PFKP: variants seen among roughly 807,000 people sequenced by gnomAD.
PFKP encodes phosphofructokinase, platelet.
A neutral mutation model predicts 94.3 loss-of-function variants in PFKP; 101 were observed. The observed-to-expected ratio is 1.07, with a 90% CI of 0.91 to 1.26. The LOEUF is 1.26. Among genes scored for constraint, PFKP ranks in the 50% most tolerant of loss-of-function variants. The pLI is 0.00. For synonymous variants in PFKP, 573 were observed against 432.6 expected, an observed-to-expected ratio of 1.32 and a Z score of -4.03; for missense variants, 1,145 against 1,103.3, an observed-to-expected ratio of 1.04 and a Z score of -0.53.
Position 3,102,006 on chromosome 10 carries a change from C to T in PFKP, c.454+452C>T, listed in dbSNP as rs909653999. ...GTGGCTCACGCCTGTAATCCCAGCA[C>T]TTTGGGAGGCCGAGGCGGGCGGATC... On this transcript the variant is annotated intron_variant, in intron 4 of 21. Coordinates refer to ENST00000381125, the MANE Select transcript of PFKP (RefSeq NM_002627.5). 4.0e-5 allele frequency among the ~76,000 whole-genome samples: 6 copies of T among 150,820 alleles called. No individual in the cohort carries two copies. In the East Asian group the frequency reaches 9.7e-4, roughly 24 times the overall value.
intron 1 of PFKP, among the ~76,000 whole-genome samples, chr10:3,075,384 A>G (rs1388089459): frequency 6.6e-6 from 1 of 151,846 alleles, no homozygotes; most frequent in Non-Finnish European, 1.5e-5. Flanking sequence ...TCGAAAGTCA[A>G]GAGGTACACA....
At position 3,134,509 on chromosome 10, in the gene PFKP, A is replaced by C; in HGVS notation, c.2049A>C (p.Arg683Ser). Residue 683 changes from arginine to serine, a missense_variant, in exon 20 of 22, where the codon AGA becomes AGC. Arg to Ser is a moderately radical substitution (Grantham distance 110). Coordinates refer to ENST00000381125, the MANE Select transcript of PFKP (RefSeq NM_002627.5). Reference sequence around the variant, plus strand: ...GTGGGGCACCCTCTCCATTTGATAGAAACTTTGGAACCAAAATCTCTGCCA... The same window carrying C: ...GTGGGGCACCCTCTCCATTTGATAGCAACTTTGGAACCAAAATCTCTGCCA... ...QQGGAPSPFDRNFGTKISARA... is the reference protein window; with the variant it reads ...QQGGAPSPFDSNFGTKISARA... 1 of 1,613,878 alleles carries C rather than the reference A, an allele frequency of 6.2e-7. No homozygotes were observed. Among genetic ancestry groups the C allele is most frequent in the Non-Finnish European group, 8.5e-7 (1 of 1,179,766 alleles).
chr10:3,129,519 G>A lies in PFKP; in HGVS notation c.1684-300G>A, dbSNP rs1301771210. ...GTGGAGTGAGCTGGCTTGTGGGGTC[G>A]TCTTTTCCGTCCCCTTCTATGGGGC... On this transcript the variant is annotated intron_variant, in intron 16 of 21. Transcript: ENST00000381125. The A allele has an allele frequency of 5.4e-5, 20 of 369,108 alleles. 1 individual carries two copies. The highest frequency in any genetic ancestry group is 3.4e-4 in the South Asian group (10 of 29,322). The allele number at this position is 369,108 out of a possible 1,614,324, so 22.9% of individuals were successfully genotyped here. A position where few individuals can be genotyped will look rare whatever the true frequency, so the allele number is the denominator to read the frequency against.
At position 3,133,329 on chromosome 10, in the gene PFKP, G is replaced by A. The variant is rs754367422; in HGVS notation, c.2022+15G>A. ...ACATGCAGCAGGTAGGCCCGAGACT[G>A]CATGAGGGGCCACAAAGCCCCTGTC... On this transcript the variant is annotated intron_variant, in intron 19 of 21. Coordinates refer to ENST00000381125, the MANE Select transcript of PFKP (RefSeq NM_002627.5). 2.0e-6 allele frequency: 3 copies of A among 1,498,008 alleles called. No homozygotes were observed. Among genetic ancestry groups the A allele is most frequent in the Non-Finnish European group, 2.8e-6 (3 of 1,073,928 alleles). The allele number at this position is 1,498,008 out of a possible 1,614,324, so 92.8% of individuals were successfully genotyped here.
chr10:3,103,318 T>G (rs1835200846), intron 4 of PFKP, among the ~76,000 whole-genome samples: 1 of 152,184 alleles, frequency 6.6e-6, no homozygotes, highest in Non-Finnish European at 1.5e-5. Flanking sequence ...TCTCTTTCCT[T>G]AACTATGCAG....
chr10:3,101,129 C>T (rs1025298111), intron 3 of PFKP: 3 of 812,724 alleles, frequency 3.7e-6, no homozygotes, highest in Non-Finnish European at 6.1e-6. Context: ...GTGTGTCTGG[C>T]TCTGCACCCT....
chr10:3,129,031 T>C (rs1362797503), intron 16 of PFKP: 1 of 152,266 alleles, frequency 6.6e-6, no homozygotes, highest in Non-Finnish European at 1.5e-5. Context: ...TTATGTTTTT[T>C]ATAGATGGGG....
chr10:3,119,761 G>GGTGGTCGCCGTATCATTAAAAAAGT, intron 15 of PFKP, 131 bp from the exon 16 acceptor site: 1 of 672,290 alleles, frequency 1.5e-6, no homozygotes, highest in Non-Finnish European at 2.5e-6. Context: ...TGTTGATCTC[G>GGTGGTCGCCGTATCATTAAAAAAGT]GAGTGTTTTC....
Position 3,118,833 on chromosome 10 carries a change from C to T in PFKP, c.1494C>T (p.His498=). ...AGATCGCCACACAGATGCGCACGCA[C>T]AGCATCAACGCGCTGCTGATCATCG... The part of the protein sequence containing the change: ...LEEIATQMRT[H]SINALLIIGG... Residue 498 remains histidine, a synonymous_variant, in exon 15 of 22, where the codon CAC becomes CAT. Coordinates refer to ENST00000381125, the MANE Select transcript of PFKP (RefSeq NM_002627.5). The T allele has an allele frequency of 1.2e-6, 2 of 1,613,776 alleles. No homozygotes were observed. Among genetic ancestry groups the T allele is most frequent in the Middle Eastern group, 1.6e-4 (1 of 6,062 alleles).
chr10:3,121,799 T>C (rs9423686), intron 16 of PFKP, among the ~76,000 whole-genome samples: 1,643 of 25,498 alleles, frequency 0.064, 190 homozygotes, highest in South Asian at 0.11. Context: ...ATTTCTTTTT[T>C]TTTCTTTTTT....
intron 17 of PFKP, among the ~76,000 whole-genome samples, chr10:3,130,277 T>G (rs2279215): frequency 6.6e-6 from 1 of 151,944 alleles, no homozygotes; most frequent in Non-Finnish European, 1.5e-5. Flanking sequence ...ACCAATGATT[T>G]GAGAACCTCC....
Position 3,077,261 on chromosome 10 carries a change from C to CTTTTTTTTTTTTTTTT in PFKP, c.113-5123_113-5108dup, listed in dbSNP as rs34485324. Among the ~76,000 whole-genome samples the CTTTTTTTTTTTTTTTT allele has an allele frequency of 8.7e-3, 729 of 84,222 alleles. 3 individuals are homozygous for CTTTTTTTTTTTTTTTT. Among genetic ancestry groups the CTTTTTTTTTTTTTTTT allele is most frequent in the Middle Eastern group, 0.013 (1 of 76 alleles). 55.3% of individuals were successfully genotyped at this position (84,222 alleles called of 152,430 possible). A position where few individuals can be genotyped will look rare whatever the true frequency, so the allele number is the denominator to read the frequency against. On this transcript the variant is annotated intron_variant, in intron 1 of 21. Coordinates refer to ENST00000381125, the MANE Select transcript of PFKP (RefSeq NM_002627.5). Reference sequence around the variant, plus strand: ...CATCTATTCTTTACTTTTTTTTTTTCTTTTTTTTTTTTTTTTTTTGAGATG... The same window carrying CTTTTTTTTTTTTTTTT: ...CATCTATTCTTTACTTTTTTTTTTTCTTTTTTTTTTTTTTTTTTTTTTTTTTTTTTTTTTTGAGATG...
intron 1 of PFKP, among the ~76,000 whole-genome samples, chr10:3,080,152 G>A (rs549619287): frequency 1.5e-4 from 23 of 152,304 alleles, no homozygotes; most frequent in South Asian, 1.2e-3. Flanking sequence ...GCATGGCCGG[G>A]AGCTCAGGGG....
At chr10:3,068,527 CCG>C in intron 1 of PFKP, 1 of 287,776 alleles carries the variant, frequency 3.5e-6, no homozygotes, top group South Asian at 1.3e-4. Flanking sequence ...GTCAGCGGCG[CCG>C]CGGCGCGGGC....
At chr10:3,101,098 T>C (rs1028178163) in intron 3 of PFKP, 5 of 960,940 alleles carry the variant, frequency 5.2e-6, no homozygotes, top group Non-Finnish European at 8.3e-6. Context: ...TCCTGCTCCA[T>C]GTATTTAACT....
chr10:3,105,773 C>A (rs987542731), intron 7 of PFKP, among the ~76,000 whole-genome samples: 1 of 152,198 alleles, frequency 6.6e-6, no homozygotes, highest in Non-Finnish European at 1.5e-5. Flanking sequence ...CTCCGGCAGG[C>A]AGACTTCAGG....
chr10:3,093,973 C>G (rs1488949276), intron 2 of PFKP, among the ~76,000 whole-genome samples: 1 of 152,210 alleles, frequency 6.6e-6, no homozygotes, highest in African/African-American at 2.4e-5. Flanking sequence ...TGTTTATATG[C>G]CAGCCAGGTC....
At chr10:3,116,454 A>G (rs7916889) in intron 13 of PFKP, among the ~76,000 whole-genome samples, 87,595 of 152,018 alleles carry the variant, frequency 0.58, 25,900 homozygotes, top group Non-Finnish European at 0.64. Flanking sequence ...CCAACTTAGA[A>G]ACCATCATGT....
intron 2 of PFKP, among the ~76,000 whole-genome samples, chr10:3,092,952 G>A (rs1490603154): frequency 6.9e-6 from 1 of 145,464 alleles, no homozygotes; most frequent in Non-Finnish European, 1.5e-5. Context: ...GGAAGCCTGA[G>A]CTCCTGGGAT....
Sources: gnomAD v4.1 joint callset for allele counts (sites outside exome capture counted in the v4.1 genomes callset) on GRCh38, gnomAD v4.1.1 for gene constraint, MANE v1.5 for transcripts, NCBI Gene and HGNC (gene_info 2026-07-23, HGNC 2026-07-21) for gene names.